PRELID2: variants seen among roughly 807,000 people sequenced by gnomAD.
PRELID2 encodes the protein PRELI domain containing 2, also known as PRELI domain-containing protein 2.
A neutral mutation model predicts 28.4 loss-of-function variants in PRELID2; 25 were observed. The observed-to-expected ratio is 0.88, with a 90% CI of 0.64 to 1.23. PRELID2 has a LOEUF of 1.23. PRELID2 is among the 50% of genes most tolerant of loss of function. PRELID2 has a pLI of 0.00. For missense variants in PRELID2, 201 were observed against 214.4 expected (o/e 0.94, Z 0.39); for synonymous variants, 76 against 71.6 (o/e 1.06, Z -0.31).
intron 1 of PRELID2, among the ~76,000 whole-genome samples, chr5:145,585,691 G>C (rs933813107): frequency 6.6e-6 from 1 of 152,046 alleles, no homozygotes; most frequent in African/African-American, 2.4e-5. Context: ...ACTAAAAACA[G>C]GTTAACCAAG....
At chr5:145,581,739 C>G (rs1001235137) in intron 1 of PRELID2, among the ~76,000 whole-genome samples, 3 of 152,050 alleles carry the variant, frequency 2.0e-5, no homozygotes, top group Non-Finnish European at 4.4e-5. Context: ...TGCGATTTTA[C>G]ATTAGCCTAA....
At chr5:145,580,335 T>C (rs1753098205) in intron 1 of PRELID2, among the ~76,000 whole-genome samples, 1 of 152,096 alleles carries the variant, frequency 6.6e-6, no homozygotes. Flanking sequence ...TTCAACTGGT[T>C]TATTTAATAG....
chr5:145,693,346 C>T (rs1290388504), intron 1 of PRELID2, among the ~76,000 whole-genome samples: 1 of 151,930 alleles, frequency 6.6e-6, no homozygotes, highest in Non-Finnish European at 1.5e-5. Flanking sequence ...TGGGGTTTCA[C>T]CATGTTGCCC....
At chr5:145,516,644 T>C (rs1752519386) in intron 1 of PRELID2, among the ~76,000 whole-genome samples, 1 of 152,078 alleles carries the variant, frequency 6.6e-6, no homozygotes, top group Admixed American at 6.6e-5. Context: ...CTACTTTAAA[T>C]TTCATATGGA....
chr5:145,356,543 T>A, the PRELID2 span, among the ~76,000 whole-genome samples: 2 of 151,974 alleles, frequency 1.3e-5, no homozygotes, highest in African/African-American at 2.4e-5. Flanking sequence ...TTTTTTTTTT[T>A]ATCACTGTTG....
intron 1 of PRELID2, among the ~76,000 whole-genome samples, chr5:145,489,922 C>T (rs932194466): frequency 6.6e-6 from 1 of 152,074 alleles, no homozygotes; most frequent in Non-Finnish European, 1.5e-5. Flanking sequence ...AAAAATTATC[C>T]ATTATTTCAA....
chr5:145,418,732 A>T, the PRELID2 span, among the ~76,000 whole-genome samples: 7 of 151,406 alleles, frequency 4.6e-5, no homozygotes, highest in East Asian at 5.8e-4. Flanking sequence ...CCATATACAA[A>T]TTTTTTTTTA....
chr5:145,346,223 TTAA>T, the PRELID2 span, among the ~76,000 whole-genome samples: 2 of 152,138 alleles, frequency 1.3e-5, no homozygotes, highest in African/African-American at 2.4e-5. Flanking sequence ...AGTGTTAATA[TTAA>T]TAATTCCTCT....
intron 1 of PRELID2, among the ~76,000 whole-genome samples, chr5:145,527,343 T>C (rs1393255287): frequency 6.6e-6 from 1 of 152,224 alleles, no homozygotes; most frequent in African/African-American, 2.4e-5. Flanking sequence ...TATACCAACA[T>C]CAATTTCCTG....
the PRELID2 span, among the ~76,000 whole-genome samples, chr5:145,456,519 A>G: frequency 6.6e-6 from 1 of 151,938 alleles, no homozygotes; most frequent in African/African-American, 2.4e-5. Context: ...TGCACCCTTA[A>G]TCTCCGACAC....
At chr5:145,431,890 T>C in the PRELID2 span, among the ~76,000 whole-genome samples, 2 of 152,292 alleles carry the variant, frequency 1.3e-5, no homozygotes, top group African/African-American at 4.8e-5. Flanking sequence ...TACAGGGATG[T>C]TCACAATGGC....
chr5:145,610,174 G>C (rs1000521015), intron 1 of PRELID2, among the ~76,000 whole-genome samples: 2 of 152,062 alleles, frequency 1.3e-5, no homozygotes, highest in African/African-American at 4.8e-5. Context: ...GAATCCCCTG[G>C]GGGGCTCTCA....
At chr5:145,297,782 A>G in the PRELID2 span, among the ~76,000 whole-genome samples, 1 of 152,130 alleles carries the variant, frequency 6.6e-6, no homozygotes, top group Non-Finnish European at 1.5e-5. Context: ...CTCAGGATAC[A>G]AAATCAAGGT....
At chr5:145,826,413 G>A (rs933887903) in intron 1 of PRELID2, among the ~76,000 whole-genome samples, 9 of 152,230 alleles carry the variant, frequency 5.9e-5, no homozygotes, top group African/African-American at 1.4e-4. Context: ...GCAAGAGAAC[G>A]ATCCCACAGG....
intron 1 of PRELID2, among the ~76,000 whole-genome samples, chr5:145,569,712 G>C (rs562545212): frequency 4.0e-4 from 61 of 152,300 alleles, no homozygotes; most frequent in African/African-American, 1.4e-3. Context: ...TTACGTATTA[G>C]GTATTTACAT....
At chr5:145,609,157 C>T (rs112902390) in intron 1 of PRELID2, among the ~76,000 whole-genome samples, 149 of 152,230 alleles carry the variant, frequency 9.8e-4, no homozygotes, top group African/African-American at 3.4e-3. Flanking sequence ...TTTTATCTCC[C>T]GTGTCCTTTT....
the PRELID2 span, among the ~76,000 whole-genome samples, chr5:145,235,082 A>T: frequency 2.6e-5 from 4 of 152,162 alleles, no homozygotes; most frequent in Admixed American, 6.6e-5. Flanking sequence ...GTGAAGATAG[A>T]TGCACAACTT....
intron 1 of PRELID2, among the ~76,000 whole-genome samples, chr5:145,745,128 T>G (rs1286360672): frequency 1.3e-5 from 2 of 151,940 alleles, no homozygotes; most frequent in African/African-American, 4.8e-5. Context: ...GAAGACCATC[T>G]TGCTGAAATA....
At chr5:145,799,025 A>T (rs979788768) in intron 4 of PRELID2, among the ~76,000 whole-genome samples, 5 of 147,956 alleles carry the variant, frequency 3.4e-5, no homozygotes, top group African/African-American at 1.0e-4. Flanking sequence ...AGTATAATAA[A>T]ATATATATAT....
Sources: allele counts gnomAD v4.1 joint callset (sites outside exome capture counted in the v4.1 genomes callset), GRCh38; gene constraint gnomAD v4.1.1; transcripts MANE v1.5; gene names NCBI Gene and HGNC (gene_info 2026-07-23, HGNC 2026-07-21).